Variants in CHRNA6 observed in about 807,000 individuals in gnomAD.
The protein encoded by CHRNA6 is cholinergic receptor nicotinic alpha 6 subunit.
A neutral mutation model predicts 40.9 loss-of-function variants in CHRNA6; 31 were observed. The ratio of observed to expected loss-of-function variants is 0.76; its 90% CI spans 0.57 to 1.02. CHRNA6 has a LOEUF of 1.02. CHRNA6 is among the 50% of genes least tolerant of loss of function. The pLI, the probability that CHRNA6 is intolerant of heterozygous loss-of-function variation, is 0.00. For synonymous variants in CHRNA6, 222 were observed against 221.3 expected (o/e 1.00, Z -0.03); for missense variants, 546 against 596.6 (o/e 0.92, Z 0.88).
intron 2 of CHRNA6, among the ~76,000 whole-genome samples, chr8:42,761,184 G>A (rs2128912034): frequency 6.6e-6 from 1 of 152,330 alleles, no homozygotes; most frequent in East Asian, 1.9e-4. Flanking sequence ...ACAAGACAGG[G>A]TAAGCCCCGG....
chr8:42,753,834 G>A (rs1314504170), intron 5 of CHRNA6, among the ~76,000 whole-genome samples: 6 of 152,144 alleles, frequency 3.9e-5, no homozygotes, highest in East Asian at 3.9e-4. Flanking sequence ...CCCTGACTCC[G>A]TGGGTCACCA....
At chr8:42,766,521 A>AGAAAGAAAGAGAGAGAGAGAG (rs1563627476) in intron 1 of CHRNA6, among the ~76,000 whole-genome samples, 1 of 151,824 alleles carries the variant, frequency 6.6e-6, no homozygotes, top group African/African-American at 2.4e-5. Context: ...AAAGAAAGAA[A>AGAAAGAAAGAGAGAGAGAGAG]ATGTGGTATA....
rs967211153 is a variant in CHRNA6, at chr8:42,755,722, C to A, written c.1353+124G>T. 1.2e-5 allele frequency: 13 copies of A among 1,129,724 alleles called. No individual in the cohort carries two copies. In the East Asian group the frequency reaches 1.6e-4, roughly 14 times the overall value. The allele number at this position is 1,129,724 out of a possible 1,614,324, so 70.0% of individuals were successfully genotyped here. A position where few individuals can be genotyped will look rare whatever the true frequency, so the allele number is the denominator to read the frequency against. On this transcript the variant is annotated intron_variant, in intron 5 of 5. Coordinates refer to ENST00000276410, the MANE Select transcript of CHRNA6 (RefSeq NM_004198.3). ...TAACCACATAATAACAGAGCCAGGT[C>A]TCAGAGCAAGGCCGCCTGACCCTCT...
chr8:42,759,628 T>G (rs1032673103), intron 2 of CHRNA6, among the ~76,000 whole-genome samples: 4 of 152,054 alleles, frequency 2.6e-5, no homozygotes, highest in Non-Finnish European at 5.9e-5. Context: ...CTGGGCGCGG[T>G]GGCTCACACC....
intron 3 of CHRNA6, 34 bp downstream of exon 3, chr8:42,759,035 C>T (rs1326121023): frequency 2.2e-5 from 34 of 1,567,012 alleles, no homozygotes; most frequent in Non-Finnish European, 2.9e-5. Flanking sequence ...ATCCATTCAA[C>T]ATCATTAAGC....
chr8:42,757,049 AG>A lies in CHRNA6; in HGVS notation c.265-13del. The A allele has an allele frequency of 6.3e-7, 1 of 1,583,216 alleles. No individual in the cohort carries two copies. Among genetic ancestry groups the A allele is most frequent in the Non-Finnish European group, 8.7e-7 (1 of 1,152,468 alleles). ...TAATCATTCCAGATCTAAAATAAAT[AG>A]AAATCAGCTTTTAAAATTTCTTAAT... is the stretch of plus-strand genomic sequence containing the variant. On this transcript the variant is annotated splice_polypyrimidine_tract_variant and intron_variant, in intron 3 of 5. Transcript: ENST00000276410.
intron 5 of CHRNA6, among the ~76,000 whole-genome samples, chr8:42,755,041 CTT>C (rs561445145): frequency 1.4e-5 from 2 of 138,822 alleles, no homozygotes; most frequent in Non-Finnish European, 3.1e-5. Flanking sequence ...TGTGCAGGGG[CTT>C]TTTTTTTTTT....
chr8:42,760,498 A>T (rs939663353), intron 2 of CHRNA6, among the ~76,000 whole-genome samples: 2 of 151,450 alleles, frequency 1.3e-5, no homozygotes, highest in Admixed American at 6.6e-5. Flanking sequence ...ATGCACATGC[A>T]CTCACTCATG....
intron 5 of CHRNA6, among the ~76,000 whole-genome samples, chr8:42,754,949 G>C (rs1816771656): frequency 6.6e-6 from 1 of 152,056 alleles, no homozygotes; most frequent in Admixed American, 6.6e-5. Context: ...AGCACCCCCA[G>C]GCTGCACGCT....
chr8:42,761,910 T>C (rs144609535), intron 2 of CHRNA6, among the ~76,000 whole-genome samples: 1 of 152,348 alleles, frequency 6.6e-6, no homozygotes, highest in East Asian at 1.9e-4. Context: ...AAAGACCAAG[T>C]GGGCTGCATT....
chr8:42,762,478 G>A (rs1327956328), intron 2 of CHRNA6, among the ~76,000 whole-genome samples: 1 of 152,008 alleles, frequency 6.6e-6, no homozygotes, highest in Non-Finnish European at 1.5e-5. Context: ...GTGAAACCCC[G>A]TCTCTACTAA....
intron 1 of CHRNA6, among the ~76,000 whole-genome samples, chr8:42,767,474 AGGAC>A (rs1193891407): frequency 2.0e-5 from 3 of 152,214 alleles, no homozygotes; most frequent in Non-Finnish European, 4.4e-5. Context: ...TATCTAACAT[AGGAC>A]TCCACAAATT....
rs1465172590 is a variant in CHRNA6, at chr8:42,759,735, T to TA, written c.220-623dup. Among the ~76,000 whole-genome samples, 9 of 151,866 alleles carry TA rather than the reference T, an allele frequency of 5.9e-5. No homozygotes were observed. In the South Asian group the frequency reaches 1.3e-3, roughly 21 times the overall value. ...CAATATGGTGAAACCCCGTCTCTAC[T>TA]AAAAAATACAAAAAAATAGTCAGGT... On this transcript the variant is annotated intron_variant, in intron 2 of 5. Transcript: ENST00000276410.
At position 42,768,544 on chromosome 8, in the gene CHRNA6, G is replaced by A. The variant is rs138325954; in HGVS notation, c.-114C>T. 9.3e-5 allele frequency: 65 copies of A among 700,522 alleles called. 1 individual carries two copies. Among genetic ancestry groups the A allele is most frequent in the South Asian group, 5.8e-4 (33 of 57,338 alleles). 43.4% of individuals were successfully genotyped at this position (700,522 alleles called of 1,614,324 possible). On this transcript the variant is annotated 5_prime_UTR_variant, in exon 1 of 6. The change creates a new upstream start codon in the 5' untranslated region. Coordinates refer to ENST00000276410, the MANE Select transcript of CHRNA6 (RefSeq NM_004198.3). ...CATCATCAGAAGCCCACTGCAATCC[G>A]TGTGTGTCTTCTCAGAAATCAAAAC...
At chr8:42,767,036 C>T (rs576407539) in intron 1 of CHRNA6, among the ~76,000 whole-genome samples, 3 of 152,316 alleles carry the variant, frequency 2.0e-5, no homozygotes, top group Non-Finnish European at 2.9e-5. Context: ...GGCATGATCT[C>T]GGCTCACTGC....
Position 42,756,929 on chromosome 8 carries a change from TGTTATAGAGAACAATGTCGGGCTTCCAA to T in CHRNA6, c.345_372del (p.Trp116MetfsTer8), listed in dbSNP as rs1816813078. 1 of 1,613,094 alleles carries T rather than the reference TGTTATAGAGAACAATGTCGGGCTTCCAA, an allele frequency of 6.2e-7. No individual in the cohort carries two copies. Among genetic ancestry groups the T allele is most frequent in the East Asian group, 2.2e-5 (1 of 44,874 alleles). Reference sequence around the variant, plus strand: ...GCTACGGTGGTCAGAGACCCATACTTGTTATAGAGAACAATGTCGGGCTTCCAAATCTTATCTGCAGGAACGCGAAGAG... The same window carrying T: ...GCTACGGTGGTCAGAGACCCATACTTATCTTATCTGCAGGAACGCGAAGAG... On this transcript the variant is annotated frameshift_variant and splice_region_variant, in exon 4 of 6. Transcript: ENST00000276410. LOFTEE classifies it high-confidence loss of function.
chr8:42,768,009 A>T (rs540660651), intron 1 of CHRNA6, among the ~76,000 whole-genome samples: 1 of 152,360 alleles, frequency 6.6e-6, no homozygotes, highest in East Asian at 1.9e-4. Context: ...TAACAAATAA[A>T]TTACCACTTT....
intron 2 of CHRNA6, 119 bp from the exon 3 acceptor site, chr8:42,759,232 CTT>C (rs998432200): frequency 1.1e-5 from 8 of 753,910 alleles, no homozygotes; most frequent in African/African-American, 3.5e-5. Context: ...TAGAAGAAGA[CTT>C]CAAGGCAATG....
In CHRNA6 at chr8:42,756,707, A is replaced by C. The variant is rs781543564; in HGVS notation, c.492T>G (p.Phe164Leu). The C allele has an allele frequency of 6.2e-7, 1 of 1,614,180 alleles. No homozygotes were observed. Among genetic ancestry groups the C allele is most frequent in the Non-Finnish European group, 8.5e-7 (1 of 1,180,036 alleles). The change falls in exon 5 of 6, where the codon TTT becomes TTG. Residue 164 changes from phenylalanine (F) to leucine (L), a missense_variant. Phe to Leu is a conservative substitution (Grantham distance 22). Coordinates refer to ENST00000276410, the MANE Select transcript of CHRNA6 (RefSeq NM_004198.3). ...FKSSCPMDIT[F>L]FPFDHQNCSL... Reference sequence around the variant, plus strand: ...AACAGTTTTGATGATCAAAAGGGAAAAAGGTGATATCCATAGGGCAGGAAC... The same window carrying C: ...AACAGTTTTGATGATCAAAAGGGAACAAGGTGATATCCATAGGGCAGGAAC...
Sources: allele counts gnomAD v4.1 joint callset (sites outside exome capture counted in the v4.1 genomes callset), GRCh38; gene constraint gnomAD v4.1.1; transcripts MANE v1.5; gene names NCBI Gene and HGNC (gene_info 2026-07-23, HGNC 2026-07-21).